MBD5: variants seen among roughly 807,000 people sequenced by gnomAD.
MBD5 encodes the protein methyl-CpG binding domain protein 5.
Under a neutral mutation model 117.3 loss-of-function variants are expected in MBD5, and 13 were observed. That is an observed-to-expected ratio of 0.11 (90% confidence interval 0.07 to 0.18). MBD5 has a LOEUF of 0.18. Ranked by LOEUF, MBD5 falls within the 10% of genes least tolerant of loss-of-function variation. The pLI is 1.00. For missense variants in MBD5, 1,879 were observed against 2,093.8 expected (o/e 0.90, Z 2.00); for synonymous variants, 727 against 766.4 (o/e 0.95, Z 0.85).
At chr2:148,282,575 T>C (rs1003695317) in intron 3 of MBD5, among the ~76,000 whole-genome samples, 6 of 151,920 alleles carry the variant, frequency 3.9e-5, no homozygotes, top group African/African-American at 7.2e-5. Flanking sequence ...TGTGTGTATA[T>C]ATATATATAA....
At chr2:148,320,974 T>C (rs1702268286) in intron 3 of MBD5, among the ~76,000 whole-genome samples, 1 of 152,202 alleles carries the variant, frequency 6.6e-6, no homozygotes, top group African/African-American at 2.4e-5. Flanking sequence ...TTCCTTTTTA[T>C]TTTTTGTCTC....
At chr2:148,061,101 A>G (rs1695024100) in intron 1 of MBD5, among the ~76,000 whole-genome samples, 1 of 152,142 alleles carries the variant, frequency 6.6e-6, no homozygotes, top group South Asian at 2.1e-4. Context: ...AATACTAATA[A>G]TTATTACTGA....
intron 1 of MBD5, among the ~76,000 whole-genome samples, chr2:148,118,445 T>C (rs1359743537): frequency 1.3e-5 from 2 of 150,850 alleles, no homozygotes; most frequent in Non-Finnish European, 1.5e-5. Context: ...AATATATATA[T>C]ATATATAGTT....
At chr2:148,495,788 C>T (rs1681682504) in intron 11 of MBD5, among the ~76,000 whole-genome samples, 1 of 152,160 alleles carries the variant, frequency 6.6e-6, no homozygotes, top group African/African-American at 2.4e-5. Context: ...TCGTTCAAAA[C>T]CAACAAAACT....
intron 3 of MBD5, among the ~76,000 whole-genome samples, chr2:148,284,765 T>C (rs1701332648): frequency 6.6e-6 from 1 of 152,244 alleles, no homozygotes; most frequent in South Asian, 2.1e-4. Context: ...AAAATGACTT[T>C]TTCTTTCTTT....
At chr2:148,207,137 G>C (rs1358784243) in intron 2 of MBD5, among the ~76,000 whole-genome samples, 1 of 152,168 alleles carries the variant, frequency 6.6e-6, no homozygotes, top group Non-Finnish European at 1.5e-5. Flanking sequence ...GGGGCAAGGA[G>C]GTACAGGACC....
chr2:148,066,177 G>A (rs1266700428), intron 1 of MBD5, among the ~76,000 whole-genome samples: 2 of 151,906 alleles, frequency 1.3e-5, no homozygotes, highest in Non-Finnish European at 2.9e-5. Context: ...ATGGTGTTGT[G>A]CGCCTGTCAT....
In MBD5 at chr2:148,333,296, G is replaced by A. The variant is rs531804255; in HGVS notation, c.-679-8918G>A. 2.8e-4 allele frequency among the ~76,000 whole-genome samples: 42 copies of A among 152,122 alleles called. 1 individual carries two copies. In the South Asian group the frequency reaches 8.3e-3, roughly 30 times the overall value. On this transcript the variant is annotated intron_variant, in intron 3 of 13. Transcript: ENST00000642680. ...GGATACCTCGATAACATGTAATTGG[G>A]GCTTAATGACTATGAATTTCCTAGA...
chr2:148,225,542 A>G (rs544022080), intron 2 of MBD5, among the ~76,000 whole-genome samples: 92 of 152,230 alleles, frequency 6.0e-4, no homozygotes, highest in African/African-American at 2.2e-3. Flanking sequence ...TGTATTTGCT[A>G]TTACCAGTGA....
chr2:148,027,949 A>C (rs1259901171), intron 1 of MBD5: 1 of 152,118 alleles, frequency 6.6e-6, no homozygotes, highest in Non-Finnish European at 1.5e-5. Flanking sequence ...TTAAAAGTAA[A>C]TATTCTAACT....
chr2:148,171,865 C>A (rs1558957613), intron 1 of MBD5, among the ~76,000 whole-genome samples: 1 of 152,336 alleles, frequency 6.6e-6, no homozygotes, highest in East Asian at 1.9e-4. Flanking sequence ...TTTACAATCG[C>A]TACAAACAAA....
chr2:148,440,387 A>C (rs1259967632), intron 4 of MBD5, among the ~76,000 whole-genome samples: 1 of 152,164 alleles, frequency 6.6e-6, no homozygotes, highest in Admixed American at 6.6e-5. Flanking sequence ...GCACTTTTCT[A>C]GGCACTGGTG....
At chr2:148,091,683 A>G (rs548663036) in intron 1 of MBD5, among the ~76,000 whole-genome samples, 1 of 152,298 alleles carries the variant, frequency 6.6e-6, no homozygotes, top group African/African-American at 2.4e-5. Flanking sequence ...ACTTAAATAT[A>G]AGACCTGAAA....
chr2:148,267,696 A>G (rs1462796815), intron 3 of MBD5, among the ~76,000 whole-genome samples: 3 of 151,998 alleles, frequency 2.0e-5, no homozygotes, highest in Non-Finnish European at 4.4e-5. Context: ...GTGTTCTTTA[A>G]CTTTTTAAAC....
At chr2:148,077,865 T>G (rs1015013532) in intron 1 of MBD5, among the ~76,000 whole-genome samples, 1 of 152,046 alleles carries the variant, frequency 6.6e-6, no homozygotes, top group African/African-American at 2.4e-5. Context: ...CATAATATAC[T>G]CTCATATTGA....
chr2:148,499,191 A>G (rs1187613865), intron 11 of MBD5, among the ~76,000 whole-genome samples: 1 of 152,184 alleles, frequency 6.6e-6, no homozygotes, highest in African/African-American at 2.4e-5. Context: ...GGTCCCAGCT[A>G]CTAAGGAGAC....
chr2:148,079,138 T>A (rs1695579450), intron 1 of MBD5, among the ~76,000 whole-genome samples: 1 of 152,192 alleles, frequency 6.6e-6, no homozygotes, highest in African/African-American at 2.4e-5. Flanking sequence ...AAACAAAATT[T>A]AAGTGGTGAA....
intron 1 of MBD5, among the ~76,000 whole-genome samples, chr2:148,118,541 C>T (rs992342546): frequency 2.0e-5 from 3 of 151,100 alleles, no homozygotes; most frequent in Admixed American, 6.6e-5. Flanking sequence ...CCCAGGAGTT[C>T]AAAGTTGCAG....
chr2:148,371,442 CTCTT>C (rs1231463754), intron 4 of MBD5, among the ~76,000 whole-genome samples: 17 of 152,074 alleles, frequency 1.1e-4, no homozygotes, highest in Non-Finnish European at 2.2e-4. Context: ...AAAAGAGAAA[CTCTT>C]TCTTGCTGTG....
Sources: gnomAD v4.1 joint callset for allele counts (sites outside exome capture counted in the v4.1 genomes callset) on GRCh38, gnomAD v4.1.1 for gene constraint, MANE v1.5 for transcripts, NCBI Gene and HGNC (gene_info 2026-07-23, HGNC 2026-07-21) for gene names.